Variants in CLIC4 observed in about 807,000 individuals in gnomAD.
The protein encoded by CLIC4 is CLIC family member 4.
A neutral mutation model predicts 24.6 loss-of-function variants in CLIC4; 13 were observed. That is an observed-to-expected ratio of 0.53 (90% confidence interval 0.34 to 0.84). CLIC4 has a LOEUF of 0.84. Ranked by LOEUF, CLIC4 falls within the 40% of genes least tolerant of loss-of-function variation. The probability of loss-of-function intolerance (pLI) is 0.01; values close to 1 mark genes in which losing one functional copy is unlikely to be tolerated. For missense variants in CLIC4, 227 were observed against 301.7 expected, an observed-to-expected ratio of 0.75 and a Z score of 1.83; for synonymous variants, 104 against 111.3, an observed-to-expected ratio of 0.93 and a Z score of 0.41.
intron 1 of CLIC4, among the ~76,000 whole-genome samples, chr1:24,790,453 T>C (rs1007506349): frequency 6.6e-6 from 1 of 152,262 alleles, no homozygotes; most frequent in African/African-American, 2.4e-5. Flanking sequence ...TTAATACTTC[T>C]GAGAGACTTC....
intron 1 of CLIC4, among the ~76,000 whole-genome samples, chr1:24,770,791 G>T (rs1639062058): frequency 6.6e-6 from 1 of 151,336 alleles, no homozygotes; most frequent in Admixed American, 6.6e-5. Context: ...TATTTTTACT[G>T]TGAGGCTGGA....
At chr1:24,774,294 A>G (rs1639105877) in intron 1 of CLIC4, among the ~76,000 whole-genome samples, 1 of 152,214 alleles carries the variant, frequency 6.6e-6, no homozygotes, top group Non-Finnish European at 1.5e-5. Context: ...TCTTTTTTAA[A>G]TAAAATAATC....
At chr1:24,782,581 A>G (rs1639217692) in intron 1 of CLIC4, among the ~76,000 whole-genome samples, 1 of 152,204 alleles carries the variant, frequency 6.6e-6, no homozygotes, top group Admixed American at 6.5e-5. Flanking sequence ...ATGATGGACA[A>G]TAAAAGTGAG....
At chr1:24,751,836 CCT>C (rs1205481708) in intron 1 of CLIC4, among the ~76,000 whole-genome samples, 1 of 152,174 alleles carries the variant, frequency 6.6e-6, no homozygotes, top group African/African-American at 2.4e-5. Context: ...TGCACTCCAG[CCT>C]GAGGGACAAG....
At chr1:24,769,669 A>G (rs1428359010) in intron 1 of CLIC4, among the ~76,000 whole-genome samples, 1 of 152,162 alleles carries the variant, frequency 6.6e-6, no homozygotes, top group Non-Finnish European at 1.5e-5. Context: ...TTTCTAAAAC[A>G]TACTAACAAC....
At chr1:24,782,733 G>A (rs1337944728) in intron 1 of CLIC4, among the ~76,000 whole-genome samples, 3 of 152,206 alleles carry the variant, frequency 2.0e-5, no homozygotes, top group South Asian at 2.1e-4. Context: ...TAATCCCACC[G>A]CTTTCGGAGG....
intron 1 of CLIC4, among the ~76,000 whole-genome samples, chr1:24,773,301 C>G (rs1639094559): frequency 6.6e-6 from 1 of 152,122 alleles, no homozygotes; most frequent in Non-Finnish European, 1.5e-5. Context: ...ACAGAAATAG[C>G]TGCCTTAAGC....
intron 1 of CLIC4, among the ~76,000 whole-genome samples, chr1:24,767,487 G>A (rs1639015692): frequency 1.3e-5 from 2 of 152,194 alleles, no homozygotes; most frequent in South Asian, 4.1e-4. Flanking sequence ...CTACCACCAG[G>A]TGGGAACTTT....
At chr1:24,772,276 A>C (rs1571236198) in intron 1 of CLIC4, among the ~76,000 whole-genome samples, 1 of 152,074 alleles carries the variant, frequency 6.6e-6, no homozygotes, top group African/African-American at 2.4e-5. Flanking sequence ...AAGCCAGTCA[A>C]ATTTATAGAA....
In CLIC4 at chr1:24,842,657, T is replaced by C. The variant is rs1639955247; in HGVS notation, c.*1720T>C. 6.6e-6 allele frequency: 1 copy of C among 152,174 alleles called. No homozygotes were observed. Among genetic ancestry groups the C allele is most frequent in the East Asian group, 1.9e-4 (1 of 5,200 alleles). The allele number at this position is 152,174 out of a possible 1,614,324, so 9.4% of individuals were successfully genotyped here. ...GGAAGATTCTTTGCCTTACCTTTCT[T>C]AGAACTCTTTATTGCTTATCAAAAG... On this transcript the variant is annotated 3_prime_UTR_variant, in exon 6 of 6. Coordinates refer to ENST00000374379, the MANE Select transcript of CLIC4 (RefSeq NM_013943.3).
At chr1:24,766,137 G>T (rs563142895) in intron 1 of CLIC4, among the ~76,000 whole-genome samples, 6 of 152,154 alleles carry the variant, frequency 3.9e-5, no homozygotes, top group South Asian at 2.1e-4. Flanking sequence ...TTCCTGAGTA[G>T]TTGGGACTAT....
At chr1:24,825,361 A>T (rs1318749229) in intron 3 of CLIC4, among the ~76,000 whole-genome samples, 2 of 152,118 alleles carry the variant, frequency 1.3e-5, no homozygotes, top group Non-Finnish European at 2.9e-5. Flanking sequence ...TTTAAACTGG[A>T]GGCTTGTTTG....
intron 1 of CLIC4, among the ~76,000 whole-genome samples, chr1:24,792,267 T>G (rs1373217680): frequency 6.6e-6 from 1 of 151,992 alleles, no homozygotes; most frequent in African/African-American, 2.4e-5. Context: ...CATGGCTCGC[T>G]GCAGTCTTGA....
At chr1:24,748,063 G>T (rs186857626) in intron 1 of CLIC4, among the ~76,000 whole-genome samples, 16 of 151,940 alleles carry the variant, frequency 1.1e-4, no homozygotes, top group African/African-American at 3.9e-4. Context: ...TATCAGTTAT[G>T]GCTCTATTCA....
At chr1:24,791,981 A>G (rs1280636062) in intron 1 of CLIC4, among the ~76,000 whole-genome samples, 3 of 148,918 alleles carry the variant, frequency 2.0e-5, no homozygotes, top group Non-Finnish European at 4.5e-5. Flanking sequence ...CCTGGGAGGT[A>G]GAGGTTGCAA....
chr1:24,791,210 A>C (rs1189197846), intron 1 of CLIC4, among the ~76,000 whole-genome samples: 1 of 152,174 alleles, frequency 6.6e-6, no homozygotes. Context: ...TTAGATAACT[A>C]TATGTTAATT....
intron 1 of CLIC4, among the ~76,000 whole-genome samples, chr1:24,780,262 C>A (rs2124111686): frequency 6.6e-6 from 1 of 152,324 alleles, no homozygotes; most frequent in East Asian, 1.9e-4. Context: ...CAATATCACA[C>A]TCATGCTTAA....
chr1:24,791,039 T>G (rs146708544), intron 1 of CLIC4, among the ~76,000 whole-genome samples: 1 of 152,112 alleles, frequency 6.6e-6, no homozygotes, highest in African/African-American at 2.4e-5. Context: ...AGATAGAAAA[T>G]AAAAATGTAG....
At chr1:24,815,856 A>G (rs1165166277) in intron 3 of CLIC4, among the ~76,000 whole-genome samples, 2 of 152,182 alleles carry the variant, frequency 1.3e-5, no homozygotes, top group Non-Finnish European at 2.9e-5. Flanking sequence ...TCAAAATTAG[A>G]ATCCATCTTC....
Sources: allele counts gnomAD v4.1 joint callset (sites outside exome capture counted in the v4.1 genomes callset), GRCh38; gene constraint gnomAD v4.1.1; transcripts MANE v1.5; gene names NCBI Gene and HGNC (gene_info 2026-07-23, HGNC 2026-07-21).